The following TTLL5 variants were observed in gnomAD, a reference collection of about 807,000 sequenced individuals.
The protein encoded by TTLL5 is tubulin polyglutamylase TTLL5.
Under a neutral mutation model 168.4 loss-of-function variants are expected in TTLL5, and 132 were observed. The observed-to-expected ratio is 0.78, with a 90% CI of 0.68 to 0.91. TTLL5 has a LOEUF of 0.91. Ranked by LOEUF, TTLL5 falls within the 40% of genes least tolerant of loss-of-function variation. The pLI is 0.00. For missense variants in TTLL5, 1,545 were observed against 1,581.5 expected (o/e 0.98, Z 0.39); for synonymous variants, 546 against 558.6 (o/e 0.98, Z 0.32).
intron 4 of TTLL5, among the ~76,000 whole-genome samples, chr14:75,682,183 C>T (rs1354572470): frequency 6.8e-6 from 1 of 147,586 alleles, no homozygotes; most frequent in Admixed American, 6.7e-5. Flanking sequence ...GAGTGAGACT[C>T]CGTCTCAAAA....
intron 21 of TTLL5, among the ~76,000 whole-genome samples, chr14:75,772,850 A>C (rs1891431458): frequency 6.6e-6 from 1 of 151,992 alleles, no homozygotes; most frequent in Admixed American, 6.6e-5. Context: ...TATTTTAAGT[A>C]GTGACGGGGT....
intron 18 of TTLL5, among the ~76,000 whole-genome samples, chr14:75,757,675 A>G (rs1160091857): frequency 6.6e-6 from 1 of 152,142 alleles, no homozygotes; most frequent in African/African-American, 2.4e-5. Flanking sequence ...GAATGTTCTC[A>G]ATTTATCTGT....
chr14:75,873,612 A>G (rs957264717), intron 29 of TTLL5, among the ~76,000 whole-genome samples: 6 of 151,864 alleles, frequency 4.0e-5, no homozygotes, highest in Admixed American at 1.3e-4. Context: ...ATAACATTTC[A>G]TTGTGTGTGT....
intron 29 of TTLL5, among the ~76,000 whole-genome samples, chr14:75,865,627 A>G (rs1298854352): frequency 1.3e-5 from 2 of 152,158 alleles, no homozygotes; most frequent in Non-Finnish European, 2.9e-5. Flanking sequence ...CTGGGGAAGG[A>G]GAGGCAGTTT....
intron 31 of TTLL5, among the ~76,000 whole-genome samples, chr14:75,909,257 C>A (rs2033270232): frequency 6.7e-6 from 1 of 149,882 alleles, no homozygotes; most frequent in Non-Finnish European, 1.5e-5. Flanking sequence ...AACTTTCACA[C>A]ACCAACCCAA....
At chr14:75,689,450 ACAAC>A (rs1885293710) in intron 5 of TTLL5, 1 of 152,272 alleles carries the variant, frequency 6.6e-6, no homozygotes, top group African/African-American at 2.4e-5. Context: ...AACTTACTGA[ACAAC>A]CAAGCAGTCC....
At chr14:75,841,092 AG>A (rs34649956) in intron 28 of TTLL5, among the ~76,000 whole-genome samples, 1 of 152,222 alleles carries the variant, frequency 6.6e-6, no homozygotes, top group Non-Finnish European at 1.5e-5. Flanking sequence ...CTCATCACCA[AG>A]GGGATGGTGC....
chr14:75,689,197 G>A (rs1399019446), intron 5 of TTLL5, among the ~76,000 whole-genome samples: 1 of 152,202 alleles, frequency 6.6e-6, no homozygotes, highest in Non-Finnish European at 1.5e-5. Context: ...CCTGCCAGCA[G>A]GCAGCCCCAT....
chr14:75,818,197 C>A (rs1403986512), intron 27 of TTLL5, among the ~76,000 whole-genome samples: 1 of 151,760 alleles, frequency 6.6e-6, no homozygotes, highest in Admixed American at 6.6e-5. Flanking sequence ...TCTGTATTTG[C>A]CATAACAACT....
chr14:75,827,831 C>T (rs979657171), intron 28 of TTLL5, among the ~76,000 whole-genome samples: 1 of 149,100 alleles, frequency 6.7e-6, no homozygotes, highest in Non-Finnish European at 1.5e-5. Context: ...AGCGATCCTC[C>T]CTCAGCCTCC....
intron 28 of TTLL5, among the ~76,000 whole-genome samples, chr14:75,863,284 A>C (rs919919424): frequency 6.6e-6 from 1 of 152,192 alleles, no homozygotes; most frequent in Non-Finnish European, 1.5e-5. Flanking sequence ...GAAAATGATC[A>C]TGCATCTGTT....
At position 75,848,161 on chromosome 14, in the gene TTLL5, T is replaced by C. The variant is rs1260574534; in HGVS notation, c.3327-15506T>C. Among the ~76,000 whole-genome samples the C allele has an allele frequency of 2.6e-5, 4 of 152,014 alleles. 1 individual carries two copies. The highest frequency in any genetic ancestry group is 9.7e-5 in the African/African-American group (4 of 41,300). On this transcript the variant is annotated intron_variant, in intron 28 of 31. Transcript: ENST00000298832. ...CAGGTTACTGGAGCCAGAAAAACTG[T>C]AGGCCTCACTGTTCCAAGTTGCCTG...
intron 27 of TTLL5, among the ~76,000 whole-genome samples, chr14:75,808,884 C>T (rs1196025498): frequency 6.6e-6 from 1 of 151,744 alleles, no homozygotes; most frequent in East Asian, 1.9e-4. Flanking sequence ...CCTTGGCCTC[C>T]CAAAGTGCTG....
intron 26 of TTLL5, among the ~76,000 whole-genome samples, chr14:75,791,294 A>G (rs141999448): frequency 9.9e-5 from 15 of 152,108 alleles, no homozygotes; most frequent in Non-Finnish European, 1.9e-4. Flanking sequence ...AAATAACCAC[A>G]ATACCCATTG....
chr14:75,895,504 A>G (rs1367140617), intron 30 of TTLL5, among the ~76,000 whole-genome samples: 3 of 152,156 alleles, frequency 2.0e-5, no homozygotes, highest in African/African-American at 4.8e-5. Context: ...TTAAGTTAGA[A>G]ATAATAAAAA....
chr14:75,690,148 T>C (rs1230950995), intron 5 of TTLL5, 44 bp from the exon 6 acceptor site: 1 of 1,610,660 alleles, frequency 6.2e-7, no homozygotes, highest in South Asian at 1.1e-5. Context: ...AGGAAAATTC[T>C]GAGTCATAGT....
At chr14:75,775,352 C>T (rs1412540087) in intron 21 of TTLL5, 132 bp from the exon 22 acceptor site, 2 of 1,023,496 alleles carry the variant, frequency 2.0e-6, no homozygotes, top group Non-Finnish European at 2.8e-6. Flanking sequence ...CCTTTTTGTT[C>T]TGGGTCTTGT....
intron 28 of TTLL5, among the ~76,000 whole-genome samples, chr14:75,857,312 C>G (rs1288869090): frequency 6.6e-6 from 1 of 151,976 alleles, no homozygotes; most frequent in East Asian, 1.9e-4. Context: ...TAATGTTACC[C>G]TTGCATTCCT....
chr14:75,697,514 C>G (rs745948438), intron 6 of TTLL5, among the ~76,000 whole-genome samples: 1 of 152,130 alleles, frequency 6.6e-6, no homozygotes, highest in Non-Finnish European at 1.5e-5. Context: ...TTTCTTTCCT[C>G]CTGCTGAAAT....
Sources: gnomAD v4.1 joint callset for allele counts (sites outside exome capture counted in the v4.1 genomes callset) on GRCh38, gnomAD v4.1.1 for gene constraint, MANE v1.5 for transcripts, NCBI Gene and HGNC (gene_info 2026-07-23, HGNC 2026-07-21) for gene names.